TRAM2: variants seen among roughly 807,000 people sequenced by gnomAD.
TRAM2 encodes the protein translocation associated membrane protein 2, also known as translocating chain-associated membrane protein 2.
In TRAM2, 12 loss-of-function variants were observed where a neutral mutation model predicts 51.0. The observed-to-expected ratio is 0.24, with a 90% CI of 0.15 to 0.38. The LOEUF (loss-of-function observed/expected upper bound fraction) is 0.38. TRAM2 is among the 10% of genes least tolerant of loss of function. TRAM2 has a pLI of 1.00. For missense variants in TRAM2, 361 were observed against 462.0 expected (o/e 0.78, Z 2.00); for synonymous variants, 175 against 179.4 (o/e 0.98, Z 0.20).
intron 1 of TRAM2, among the ~76,000 whole-genome samples, chr6:52,544,610 G>A (rs1036700211): frequency 3.3e-5 from 5 of 152,216 alleles, no homozygotes; most frequent in South Asian, 2.1e-4. Context: ...TACAAAGACC[G>A]GCCAATGACC....
rs750740962 is a variant in TRAM2 at position 52,503,223 on chromosome 6, G to T, written c.1087C>A (p.Arg363=). ...TAGGGAGACTTGAGTTTCTTAGTCC[G>T]TGGGGAGGTTCCGTTCTCTGCCTTC... is the stretch of plus-strand genomic sequence containing the variant. ...VVKAENGTSP[R]TKKLKSP The change falls in exon 11 of 11, where the codon CGG becomes AGG. Residue 363 remains arginine (R), a synonymous_variant. Coordinates refer to ENST00000182527, the MANE Select transcript of TRAM2 (RefSeq NM_012288.4). 3.1e-6 allele frequency: 5 copies of T among 1,613,770 alleles called. No individual in the cohort carries two copies. In the Admixed American group the frequency reaches 6.7e-5, roughly 22 times the overall value.
chr6:52,566,076 C>T (rs1767586027), intron 1 of TRAM2, among the ~76,000 whole-genome samples: 1 of 152,208 alleles, frequency 6.6e-6, no homozygotes, highest in Non-Finnish European at 1.5e-5. Flanking sequence ...CAAACAAATA[C>T]CTTTTTATTA....
chr6:52,534,519 G>A (rs955286924), intron 2 of TRAM2, among the ~76,000 whole-genome samples: 1 of 152,212 alleles, frequency 6.6e-6, no homozygotes, highest in South Asian at 2.1e-4. Flanking sequence ...TGGTGCTGGT[G>A]GCGGGATCGG....
intron 1 of TRAM2, among the ~76,000 whole-genome samples, chr6:52,560,209 T>C (rs1228562897): frequency 6.6e-6 from 1 of 151,574 alleles, no homozygotes; most frequent in East Asian, 1.9e-4. Context: ...ATCATGCCAT[T>C]GCACTCCAGC....
chr6:52,503,217 T>C lies in TRAM2; in HGVS notation c.1093A>G (p.Lys365Glu). Residue 365 changes from lysine (K) to glutamate (E), a missense_variant, in exon 11 of 11, where the codon AAG becomes GAG. By Grantham distance (56) the Lys-to-Glu change is moderately conservative. Coordinates refer to ENST00000182527, the MANE Select transcript of TRAM2 (RefSeq NM_012288.4). ...KAENGTSPRT[K>E]KLKSP ...TGGCCTTAGGGAGACTTGAGTTTCT[T>C]AGTCCGTGGGGAGGTTCCGTTCTCT... 6.2e-7 allele frequency: 1 copy of C among 1,613,830 alleles called. No homozygotes were observed. Among genetic ancestry groups the C allele is most frequent in the Non-Finnish European group, 8.5e-7 (1 of 1,179,938 alleles).
chr6:52,569,974 C>T (rs1265838503), intron 1 of TRAM2, among the ~76,000 whole-genome samples: 3 of 152,158 alleles, frequency 2.0e-5, no homozygotes, highest in African/African-American at 7.2e-5. Context: ...TGGATTCTAG[C>T]CCCCGTTTTG....
At chr6:52,528,736 G>A (rs1301027066) in intron 2 of TRAM2, among the ~76,000 whole-genome samples, 1 of 152,142 alleles carries the variant, frequency 6.6e-6, no homozygotes, top group African/African-American at 2.4e-5. Context: ...ATGGATTCTT[G>A]TTACCTTTGA....
At chr6:52,573,789 G>A (rs985108024) in intron 1 of TRAM2, among the ~76,000 whole-genome samples, 11 of 152,308 alleles carry the variant, frequency 7.2e-5, no homozygotes, top group African/African-American at 2.4e-4. Flanking sequence ...TGACCAGTGA[G>A]TGGGGGAAAG....
At chr6:52,522,969 A>G (rs1399015681) in intron 2 of TRAM2, 2 of 700,426 alleles carry the variant, frequency 2.9e-6, no homozygotes, top group Non-Finnish European at 5.2e-6. Flanking sequence ...CCTCCTCTGC[A>G]CAACCTGAGC....
rs142828575 is a variant in TRAM2, at chr6:52,572,522, G to T, written c.120+4274C>A. 1.1e-4 allele frequency among the ~76,000 whole-genome samples: 17 copies of T among 152,364 alleles called. No individual in the cohort carries two copies. In the East Asian group the frequency reaches 3.1e-3, roughly 28 times the overall value. ...GAAGGCTAAGGCAAGAGAATCGCTG[G>T]AACCTGGGAGGCGGAGGCTGCAGTG... On this transcript the variant is annotated intron_variant, in intron 1 of 10. Transcript: ENST00000182527.
At chr6:52,540,459 C>A (rs1237547567) in intron 1 of TRAM2, among the ~76,000 whole-genome samples, 2 of 152,198 alleles carry the variant, frequency 1.3e-5, no homozygotes, top group Admixed American at 1.3e-4. Flanking sequence ...AGAAATTTGG[C>A]TCCAAGCTTT....
chr6:52,546,325 G>T (rs942125908), intron 1 of TRAM2, among the ~76,000 whole-genome samples: 1 of 152,172 alleles, frequency 6.6e-6, no homozygotes, highest in African/African-American at 2.4e-5. Flanking sequence ...TATAAAAATA[G>T]AACTTCATCC....
In TRAM2 at chr6:52,499,982, A is replaced by G. The variant is rs1338698052; in HGVS notation, c.*3215T>C. 2.6e-5 allele frequency: 4 copies of G among 152,234 alleles called. No homozygotes were observed. The highest frequency in any genetic ancestry group is 9.7e-5 in the African/African-American group (4 of 41,450). The allele number at this position is 152,234 out of a possible 1,614,324, so 9.4% of individuals were successfully genotyped here. A position where few individuals can be genotyped will look rare whatever the true frequency, so the allele number is the denominator to read the frequency against. Reference sequence around the variant, plus strand: ...AGCTATCAGCGCCCGGATGGTAAAAATAACTCCCATCATCACTGCACCTCC... The same window carrying G: ...AGCTATCAGCGCCCGGATGGTAAAAGTAACTCCCATCATCACTGCACCTCC... On this transcript the variant is annotated 3_prime_UTR_variant, in exon 11 of 11. Coordinates refer to ENST00000182527, the MANE Select transcript of TRAM2 (RefSeq NM_012288.4).
At chr6:52,546,393 C>A (rs1398642277) in intron 1 of TRAM2, among the ~76,000 whole-genome samples, 3 of 152,150 alleles carry the variant, frequency 2.0e-5, no homozygotes, top group Non-Finnish European at 2.9e-5. Context: ...AAGGTGATTT[C>A]CATTGCACAA....
intron 1 of TRAM2, among the ~76,000 whole-genome samples, chr6:52,539,674 T>C (rs979891198): frequency 6.6e-6 from 1 of 152,192 alleles, no homozygotes; most frequent in Non-Finnish European, 1.5e-5. Context: ...CTGACTTGCC[T>C]TGTTTGAGGT....
intron 2 of TRAM2, among the ~76,000 whole-genome samples, chr6:52,522,122 A>G (rs1766688045): frequency 6.6e-6 from 1 of 152,280 alleles, no homozygotes; most frequent in South Asian, 2.1e-4. Flanking sequence ...CCTCTGGTCT[A>G]TCTTTCACAT....
intron 1 of TRAM2, among the ~76,000 whole-genome samples, chr6:52,544,595 G>A (rs1021995429): frequency 5.3e-5 from 8 of 152,216 alleles, no homozygotes; most frequent in Non-Finnish European, 7.3e-5. Context: ...CATCTTGCTC[G>A]AGTCTACAAA....
chr6:52,519,154 T>C (rs1447257008), intron 2 of TRAM2, among the ~76,000 whole-genome samples: 2 of 152,242 alleles, frequency 1.3e-5, no homozygotes, highest in Non-Finnish European at 1.5e-5. Context: ...CAGGGCTCCA[T>C]GCTGGGCACT....
rs1439352546 is a variant in TRAM2 at position 52,501,443 on chromosome 6, TGTGA to T, written c.*1750_*1753del. On this transcript the variant is annotated 3_prime_UTR_variant, in exon 11 of 11. Transcript: ENST00000182527. ...TCTAAATCCAAGGTTTGGTTTCTAC[TGTGA>T]TGTCAGAAAGATGACCAGTATTCCA... The T allele has an allele frequency of 1.3e-5, 2 of 152,260 alleles. No homozygotes were observed. The highest frequency in any genetic ancestry group is 4.8e-5 in the African/African-American group (2 of 41,470). 9.4% of individuals were successfully genotyped at this position (152,260 alleles called of 1,614,324 possible).
Sources: allele counts gnomAD v4.1 joint callset (sites outside exome capture counted in the v4.1 genomes callset), GRCh38; gene constraint gnomAD v4.1.1; transcripts MANE v1.5; gene names NCBI Gene and HGNC (gene_info 2026-07-23, HGNC 2026-07-21).